The following DNAH9 variants were observed in gnomAD, a reference collection of about 807,000 sequenced individuals.
The protein encoded by DNAH9 is dynein axonemal heavy chain 9, also known as DNAH9 variant protein.
Under a neutral mutation model 471.6 loss-of-function variants are expected in DNAH9, and 345 were observed. The observed-to-expected ratio is 0.73, with a 90% CI of 0.67 to 0.80. The LOEUF (loss-of-function observed/expected upper bound fraction) is 0.80, where lower values mean the gene tolerates loss of function less well. DNAH9 is among the 30% of genes least tolerant of loss of function. DNAH9 has a pLI of 0.00. For missense variants in DNAH9, 5,407 were observed against 5,609.2 expected (o/e 0.96, Z 1.15); for synonymous variants, 2,093 against 2,123.6 (o/e 0.99, Z 0.40).
intron 19 of DNAH9, among the ~76,000 whole-genome samples, chr17:11,684,310 G>C (rs2074195996): frequency 6.6e-6 from 1 of 152,146 alleles, no homozygotes; most frequent in Non-Finnish European, 1.5e-5. Context: ...AAGTCAGGTT[G>C]CATAGGTTGA....
chr17:11,813,109 T>G (rs1969981800), intron 45 of DNAH9, among the ~76,000 whole-genome samples: 1 of 152,284 alleles, frequency 6.6e-6, no homozygotes, highest in African/African-American at 2.4e-5. Flanking sequence ...TGATAATTTT[T>G]CATTTAGAAC....
In DNAH9 at chr17:11,947,989, A is replaced by C. The variant is rs898313153; in HGVS notation, c.12843+5504A>C. ...ACCTTATTGACCAGGCTGGTCTCAA[A>C]CTCCTGACCTTGTGATCCACCCACC... On this transcript the variant is annotated intron_variant, in intron 67 of 68. Coordinates refer to ENST00000262442, the MANE Select transcript of DNAH9 (RefSeq NM_001372.4). Among the ~76,000 whole-genome samples the C allele has an allele frequency of 3.3e-5, 5 of 150,622 alleles. No homozygotes were observed. In the South Asian group the frequency reaches 1.1e-3, roughly 32 times the overall value.
intron 43 of DNAH9, among the ~76,000 whole-genome samples, chr17:11,800,333 C>T (rs1042185655): frequency 5.9e-5 from 9 of 151,754 alleles, no homozygotes; most frequent in Non-Finnish European, 1.0e-4. Context: ...CTCACCTTCT[C>T]GGTGACTTCA....
At chr17:11,616,368 G>A (rs2072743997) in intron 4 of DNAH9, among the ~76,000 whole-genome samples, 6 of 152,288 alleles carry the variant, frequency 3.9e-5, no homozygotes, top group Admixed American at 2.6e-4. Context: ...TCCGCATACT[G>A]TAACCTAAGA....
At chr17:11,894,249 C>T in intron 58 of DNAH9, 125 bp from the exon 59 acceptor site, 1 of 1,335,866 alleles carries the variant, frequency 7.5e-7, no homozygotes, top group Non-Finnish European at 1.0e-6. Flanking sequence ...CCTCATTAAA[C>T]AACCAAAATT....
intron 7 of DNAH9, among the ~76,000 whole-genome samples, chr17:11,630,824 T>C (rs1005995167): frequency 4.6e-5 from 7 of 152,212 alleles, no homozygotes; most frequent in African/African-American, 1.7e-4. Context: ...TGTGAGGTGA[T>C]GAATATGTTA....
intron 19 of DNAH9, among the ~76,000 whole-genome samples, chr17:11,685,517 G>C (rs1347562756): frequency 1.3e-5 from 2 of 152,184 alleles, no homozygotes; most frequent in Non-Finnish European, 2.9e-5. Flanking sequence ...TCAAAACCAG[G>C]TGCTCAATGG....
intron 45 of DNAH9, among the ~76,000 whole-genome samples, chr17:11,811,289 G>A (rs1267388386): frequency 6.6e-6 from 1 of 152,030 alleles, no homozygotes; most frequent in East Asian, 1.9e-4. Context: ...CTCCAGCCTG[G>A]GCGACAGAGC....
At position 11,886,862 on chromosome 17, in the gene DNAH9, A is replaced by G. The variant is rs763266237; in HGVS notation, c.11009A>G (p.Glu3670Gly). The part of the protein sequence containing the change: ...EAKVTEVKIN[E>G]AREHYRPAAA... The stretch of plus-strand genomic sequence containing the variant: ...AAGGTGACTGAAGTGAAAATCAACG[A>G]GGCCCGAGAGCACTACCGGCCAGCA... The change falls in exon 57 of 69, where the codon GAG (glutamate) becomes GGG (glycine). Residue 3670 changes from glutamate to glycine, a missense_variant. Coordinates refer to ENST00000262442, the MANE Select transcript of DNAH9 (RefSeq NM_001372.4). The G allele has an allele frequency of 1.2e-5, 19 of 1,612,268 alleles. No individual in the cohort carries two copies. In the East Asian group the frequency reaches 4.0e-4, roughly 34 times the overall value.
chr17:11,959,538 C>A (rs1975901738), intron 67 of DNAH9, among the ~76,000 whole-genome samples: 1 of 152,182 alleles, frequency 6.6e-6, no homozygotes, highest in Non-Finnish European at 1.5e-5. Flanking sequence ...AAACCCATTT[C>A]TCAGAAGCCT....
At chr17:11,762,727 A>T (rs1367163403) in intron 35 of DNAH9, among the ~76,000 whole-genome samples, 1 of 148,108 alleles carries the variant, frequency 6.8e-6, no homozygotes, top group Non-Finnish European at 1.5e-5. Context: ...GGCAAGCCTC[A>T]GAAATGCACC....
rs536328889 is a variant in DNAH9, at chr17:11,693,203, G to A, written c.4615-665G>A. ...GCTGGGATTACAGGTGTGAGCCACCGCGCCCAGCTTATTATTGCTACTTTT... is the reference window on the plus strand; with the variant it reads ...GCTGGGATTACAGGTGTGAGCCACCACGCCCAGCTTATTATTGCTACTTTT... On this transcript the variant is annotated intron_variant, in intron 20 of 68. Coordinates refer to ENST00000262442, the MANE Select transcript of DNAH9 (RefSeq NM_001372.4). 4.9e-5 allele frequency among the ~76,000 whole-genome samples: 7 copies of A among 144,266 alleles called. No individual in the cohort carries two copies. In the East Asian group the frequency reaches 1.0e-3, roughly 21 times the overall value. The allele number at this position is 144,266 out of a possible 152,430, so 94.6% of individuals were successfully genotyped here.
chr17:11,838,081 G>A (rs1597718068), intron 49 of DNAH9, among the ~76,000 whole-genome samples: 1 of 152,194 alleles, frequency 6.6e-6, no homozygotes, highest in Admixed American at 6.5e-5. Context: ...TCATATTCAT[G>A]TGCATACTGA....
intron 67 of DNAH9, among the ~76,000 whole-genome samples, chr17:11,951,076 C>A (rs1975345254): frequency 6.6e-6 from 1 of 152,282 alleles, no homozygotes; most frequent in African/African-American, 2.4e-5. Flanking sequence ...TCCATAGATG[C>A]ACCCAAATTT....
intron 15 of DNAH9, 114 bp downstream of exon 15, chr17:11,665,082 G>A: frequency 1.1e-6 from 1 of 884,252 alleles, no homozygotes; most frequent in Non-Finnish European, 1.8e-6. Context: ...AAACGTTGTA[G>A]ACCTTTTGTG....
chr17:11,966,593 G>A (rs545489735), intron 68 of DNAH9, among the ~76,000 whole-genome samples: 3 of 152,164 alleles, frequency 2.0e-5, no homozygotes, highest in Non-Finnish European at 4.4e-5. Flanking sequence ...TGCATCATTT[G>A]TAATTTTTAT....
chr17:11,701,226 G>A lies in DNAH9; in HGVS notation c.5130G>A (p.Trp1710Ter), dbSNP rs772923356. The A allele has an allele frequency of 1.9e-6, 3 of 1,613,728 alleles. No homozygotes were observed. The highest frequency in any genetic ancestry group is 2.2e-5 in the South Asian group (2 of 91,050). ...TAYEEKPREQWLFDHPAQVAL... is the reference protein window; with the variant it reads ...TAYEEKPREQ ...ATGAAGAAAAGCCGAGGGAGCAGTGGCTTTTTGACCACCCAGCTCAGGTAT... is the reference window on the plus strand; with the variant it reads ...ATGAAGAAAAGCCGAGGGAGCAGTGACTTTTTGACCACCCAGCTCAGGTAT... Residue 1710 changes from tryptophan to a stop codon, truncating the protein, a stop_gained, in exon 24 of 69, where the codon TGG (tryptophan) becomes TGA (stop). Transcript: ENST00000262442. LOFTEE classifies it high-confidence loss of function.
chr17:11,876,691 A>C (rs1276008274), intron 53 of DNAH9, among the ~76,000 whole-genome samples: 1 of 152,116 alleles, frequency 6.6e-6, no homozygotes, highest in African/African-American at 2.4e-5. Context: ...TCACAGGTAC[A>C]GAGTTTCAGG....
chr17:11,745,506 C>T lies in DNAH9; in HGVS notation c.6399+422C>T, dbSNP rs117819711. 7.1e-3 allele frequency among the ~76,000 whole-genome samples: 1,087 copies of T among 152,306 alleles called. 5 individuals carry two copies. Among genetic ancestry groups the T allele is most frequent in the Middle Eastern group, 0.014 (4 of 294 alleles). On this transcript the variant is annotated intron_variant, in intron 31 of 68. Coordinates refer to ENST00000262442, the MANE Select transcript of DNAH9 (RefSeq NM_001372.4). The stretch of plus-strand genomic sequence containing the variant: ...ATACCCCTCCCAGCCTCCTGGAAAA[C>T]ACAGCACAGCTCCTTATTTAACCTT...
Sources: gnomAD v4.1 joint callset for allele counts (sites outside exome capture counted in the v4.1 genomes callset) on GRCh38, gnomAD v4.1.1 for gene constraint, MANE v1.5 for transcripts, NCBI Gene and HGNC (gene_info 2026-07-23, HGNC 2026-07-21) for gene names.